The following ZNF469 variants were observed in gnomAD, a reference collection of about 807,000 sequenced individuals.
ZNF469 encodes the protein zinc finger protein 469.
In ZNF469, 1 loss-of-function variant was observed where a neutral mutation model predicts 1.0. That is an observed-to-expected ratio of 1.00 (90% CI 0.35 to 4.73). ZNF469 has a LOEUF of 4.73. ZNF469 is among the 30% of genes most tolerant of loss of function. The pLI is 0.16. For missense variants in ZNF469, 6,100 were observed against 5,356.3 expected, an observed-to-expected ratio of 1.14 and a Z score of -4.33; for synonymous variants, 2,703 against 2,363.4, an observed-to-expected ratio of 1.14 and a Z score of -4.17.
chr16:88,360,751 C>G, the ZNF469 span, among the ~76,000 whole-genome samples: 130 of 149,584 alleles, frequency 8.7e-4, 2 homozygotes, highest in Non-Finnish European at 1.4e-3. Context: ...CAAAGGCAGT[C>G]CACCCCCAGA....
chr16:88,296,733 ACC>A, the ZNF469 span, among the ~76,000 whole-genome samples: 1 of 149,362 alleles, frequency 6.7e-6, no homozygotes, highest in African/African-American at 2.5e-5. Context: ...CCCATGCTCC[ACC>A]CACACACACA....
the ZNF469 span, among the ~76,000 whole-genome samples, chr16:88,273,338 T>C: frequency 6.6e-6 from 1 of 151,680 alleles, no homozygotes; most frequent in Non-Finnish European, 1.5e-5. Flanking sequence ...ATAATATCCA[T>C]CCAACAAAGG....
the ZNF469 span, among the ~76,000 whole-genome samples, chr16:88,174,873 G>T: frequency 6.6e-6 from 1 of 152,138 alleles, no homozygotes; most frequent in African/African-American, 2.4e-5. Flanking sequence ...GGAGTCAAAA[G>T]TTATTTGCAG....
chr16:88,132,945 G>A, the ZNF469 span, among the ~76,000 whole-genome samples: 4 of 152,222 alleles, frequency 2.6e-5, no homozygotes, highest in African/African-American at 9.6e-5. Flanking sequence ...ACAGGTGAAG[G>A]GCTCACAGAG....
the ZNF469 span, among the ~76,000 whole-genome samples, chr16:88,130,943 C>T: frequency 1.3e-5 from 2 of 152,160 alleles, no homozygotes; most frequent in South Asian, 2.1e-4. Flanking sequence ...AGTGGCGTCC[C>T]GATGAGGACG....
At chr16:88,247,162 G>T in the ZNF469 span, among the ~76,000 whole-genome samples, 1 of 150,674 alleles carries the variant, frequency 6.6e-6, no homozygotes, top group Non-Finnish European at 1.5e-5. Flanking sequence ...TGAGTGAATC[G>T]TGAATGACTG....
chr16:88,401,547 ATGGATGCATGGG>A (rs1225276757), intron 1 of ZNF469, among the ~76,000 whole-genome samples: 1 of 77,492 alleles, frequency 1.3e-5, no homozygotes, highest in Non-Finnish European at 3.0e-5. Context: ...GGGTGGATGG[ATGGATGCATGGG>A]TGGATGGATG....
At chr16:88,106,795 C>T in the ZNF469 span, among the ~76,000 whole-genome samples, 7 of 152,262 alleles carry the variant, frequency 4.6e-5, no homozygotes, top group East Asian at 3.8e-4. Flanking sequence ...GCTCAGCCAC[C>T]GCCTGCCATT....
At chr16:88,331,351 C>T in the ZNF469 span, among the ~76,000 whole-genome samples, 1 of 151,130 alleles carries the variant, frequency 6.6e-6, no homozygotes, top group East Asian at 2.0e-4. Flanking sequence ...ATCCTCCTCA[C>T]CACCATCATC....
chr16:88,154,874 C>G, the ZNF469 span, among the ~76,000 whole-genome samples: 1 of 152,290 alleles, frequency 6.6e-6, no homozygotes, highest in East Asian at 1.9e-4. Flanking sequence ...GGCTTTTTTC[C>G]TCACTAACCT....
At chr16:88,425,356 T>A (rs1194829667) in intron 2 of ZNF469, among the ~76,000 whole-genome samples, 1 of 152,100 alleles carries the variant, frequency 6.6e-6, no homozygotes, top group African/African-American at 2.4e-5. Context: ...CTGGGCTTCA[T>A]GTGGGGCCTG....
chr16:88,300,746 C>T, the ZNF469 span, among the ~76,000 whole-genome samples: 1 of 152,166 alleles, frequency 6.6e-6, no homozygotes, highest in Non-Finnish European at 1.5e-5. Context: ...CTGGTTGTCT[C>T]ACTCTAAGAG....
intron 1 of ZNF469, among the ~76,000 whole-genome samples, chr16:88,417,671 C>T (rs894948767): frequency 2.6e-5 from 4 of 152,194 alleles, no homozygotes; most frequent in Admixed American, 6.5e-5. Flanking sequence ...AGGCAGCTGG[C>T]GTTTGCTGGG....
chr16:88,190,318 T>C, the ZNF469 span, among the ~76,000 whole-genome samples: 1 of 152,384 alleles, frequency 6.6e-6, no homozygotes, highest in Non-Finnish European at 1.5e-5. Flanking sequence ...CCTTGGCACT[T>C]GCCTGGGTAG....
At chr16:88,278,762 GCCGACA>G in the ZNF469 span, among the ~76,000 whole-genome samples, 1 of 135,914 alleles carries the variant, frequency 7.4e-6, no homozygotes, top group Admixed American at 7.9e-5. Flanking sequence ...GCTGCGCCAC[GCCGACA>G]CTTGGTCAGT....
intron 1 of ZNF469, among the ~76,000 whole-genome samples, chr16:88,385,693 A>G (rs2092535478): frequency 6.6e-6 from 1 of 151,812 alleles, no homozygotes; most frequent in Non-Finnish European, 1.5e-5. Context: ...TTGTCCAAAC[A>G]TAGGGCTGAT....
chr16:88,349,174 C>T, the ZNF469 span, among the ~76,000 whole-genome samples: 1 of 152,174 alleles, frequency 6.6e-6, no homozygotes, highest in African/African-American at 2.4e-5. Flanking sequence ...CGGTTCCAGA[C>T]ACCCAGGCCG....
At chr16:88,272,467 CA>C in the ZNF469 span, among the ~76,000 whole-genome samples, 1 of 118,616 alleles carries the variant, frequency 8.4e-6, no homozygotes, top group South Asian at 2.6e-4. Context: ...GATGAATGAA[CA>C]GGGGGGTGTA....
chr16:88,176,727 G>A, the ZNF469 span, among the ~76,000 whole-genome samples: 1 of 152,232 alleles, frequency 6.6e-6, no homozygotes, highest in Non-Finnish European at 1.5e-5. Flanking sequence ...CCCGTGGCCT[G>A]CCGGCCCACA....
Sources: allele counts gnomAD v4.1 joint callset (sites outside exome capture counted in the v4.1 genomes callset), GRCh38; gene constraint gnomAD v4.1.1; transcripts MANE v1.5; gene names NCBI Gene and HGNC (gene_info 2026-07-23, HGNC 2026-07-21).